The following ATF6 variants were observed in gnomAD, a reference collection of about 807,000 sequenced individuals.
ATF6 encodes the protein cyclic AMP-dependent transcription factor ATF-6 alpha.
Under a neutral mutation model 83.6 loss-of-function variants are expected in ATF6, and 53 were observed. The ratio of observed to expected loss-of-function variants is 0.63; its 90% CI spans 0.51 to 0.80. ATF6 has a LOEUF of 0.80. ATF6 is among the 30% of genes least tolerant of loss of function. The pLI, the probability that ATF6 is intolerant of heterozygous loss-of-function variation, is 0.00. For missense variants in ATF6, 744 were observed against 797.9 expected, an observed-to-expected ratio of 0.93 and a Z score of 0.81; for synonymous variants, 288 against 285.8, an observed-to-expected ratio of 1.01 and a Z score of -0.08.
chr1:161,952,196 C>A (rs959482539), intron 15 of ATF6, among the ~76,000 whole-genome samples: 4 of 152,088 alleles, frequency 2.6e-5, no homozygotes, highest in Non-Finnish European at 4.4e-5. Context: ...CATATAAGTC[C>A]CAAGCCTACA....
chr1:161,822,814 A>G (rs1685799368), intron 9 of ATF6, among the ~76,000 whole-genome samples: 1 of 152,208 alleles, frequency 6.6e-6, no homozygotes, highest in Non-Finnish European at 1.5e-5. Context: ...GTTAACATCT[A>G]AAAGAAGATT....
chr1:161,780,003 G>A (rs1447968764), intron 2 of ATF6, among the ~76,000 whole-genome samples: 1 of 152,152 alleles, frequency 6.6e-6, no homozygotes, highest in Non-Finnish European at 1.5e-5. Flanking sequence ...CTCCCAAAGT[G>A]CTGGGATTAC....
rs113460196 is a variant in ATF6, at chr1:161,941,127, T to C, written c.1805-17319T>C. Among the ~76,000 whole-genome samples, 1,132 of 152,334 alleles carry C rather than the reference T, an allele frequency of 7.4e-3. 21 individuals carry two copies. The highest frequency in any genetic ancestry group is 0.027 in the African/African-American group (1,102 of 41,562). ...GGAACAAACTCCCATTGGGAGAGCATCACCTCTGCCTTACATATCTGAGAA... is the reference window on the plus strand; with the variant it reads ...GGAACAAACTCCCATTGGGAGAGCACCACCTCTGCCTTACATATCTGAGAA... On this transcript the variant is annotated intron_variant, in intron 15 of 15. Coordinates refer to ENST00000367942, the MANE Select transcript of ATF6 (RefSeq NM_007348.4).
chr1:161,803,764 G>C (rs140421674), intron 7 of ATF6, among the ~76,000 whole-genome samples: 1 of 152,132 alleles, frequency 6.6e-6, no homozygotes, highest in Non-Finnish European at 1.5e-5. Context: ...AATAAGAAAA[G>C]AGTATGATTT....
chr1:161,766,532 T>A, intron 1 of ATF6, 90 bp downstream of exon 1: 1 of 1,254,762 alleles, frequency 8.0e-7, no homozygotes, highest in Non-Finnish European at 1.1e-6. Flanking sequence ...TGGTGACAGG[T>A]GTGGACCAAC....
At chr1:161,775,138 A>G (rs1466710174) in intron 1 of ATF6, among the ~76,000 whole-genome samples, 1 of 152,246 alleles carries the variant, frequency 6.6e-6, no homozygotes, top group Non-Finnish European at 1.5e-5. Context: ...TGGCATCAGA[A>G]TAAAATGAGG....
intron 15 of ATF6, among the ~76,000 whole-genome samples, chr1:161,950,275 G>A (rs1249587126): frequency 6.6e-6 from 1 of 152,176 alleles, no homozygotes; most frequent in Non-Finnish European, 1.5e-5. Flanking sequence ...AAGCTAGCCT[G>A]CCCAACACCA....
At chr1:161,825,990 ATCAC>A (rs1685886286) in intron 9 of ATF6, among the ~76,000 whole-genome samples, 3 of 152,182 alleles carry the variant, frequency 2.0e-5, no homozygotes, top group African/African-American at 7.2e-5. Flanking sequence ...CTTACCCCCT[ATCAC>A]TCAGGAAATT....
At chr1:161,832,632 C>G (rs1686093884) in intron 9 of ATF6, among the ~76,000 whole-genome samples, 1 of 152,238 alleles carries the variant, frequency 6.6e-6, no homozygotes, top group African/African-American at 2.4e-5. Context: ...TTGGAGGGTC[C>G]TACACCCACA....
At chr1:161,833,454 T>C (rs1686125382) in intron 9 of ATF6, among the ~76,000 whole-genome samples, 2 of 151,788 alleles carry the variant, frequency 1.3e-5, no homozygotes, top group Admixed American at 1.3e-4. Context: ...ATCAAACTAC[T>C]CCGAGCTAAA....
chr1:161,918,458 A>G (rs1471640811), intron 15 of ATF6, among the ~76,000 whole-genome samples: 3 of 152,310 alleles, frequency 2.0e-5, no homozygotes, highest in African/African-American at 7.2e-5. Flanking sequence ...GGAAACTATA[A>G]TTCTATAGGA....
At chr1:161,796,075 T>G (rs1034564848) in intron 6 of ATF6, among the ~76,000 whole-genome samples, 3 of 147,236 alleles carry the variant, frequency 2.0e-5, no homozygotes, top group Non-Finnish European at 4.4e-5. Flanking sequence ...TGCCTTGGTA[T>G]TCTTCCATCT....
chr1:161,772,455 C>T (rs1456862759), intron 1 of ATF6, among the ~76,000 whole-genome samples: 3 of 152,190 alleles, frequency 2.0e-5, no homozygotes, highest in Middle Eastern at 3.2e-3. Flanking sequence ...AACATCTCTC[C>T]CATCCTTTGA....
chr1:161,846,139 C>T (rs967292498), intron 9 of ATF6, among the ~76,000 whole-genome samples: 3 of 151,998 alleles, frequency 2.0e-5, no homozygotes, highest in East Asian at 1.9e-4. Context: ...TTAGGTGTGT[C>T]GTATTTATTT....
At chr1:161,833,090 A>G (rs1450060175) in intron 9 of ATF6, among the ~76,000 whole-genome samples, 1 of 152,200 alleles carries the variant, frequency 6.6e-6, no homozygotes, top group Non-Finnish European at 1.5e-5. Context: ...CAGCATTTGC[A>G]GTTCACCAAT....
intron 1 of ATF6, among the ~76,000 whole-genome samples, chr1:161,772,773 A>C (rs1684419541): frequency 6.6e-6 from 1 of 151,638 alleles, no homozygotes; most frequent in Non-Finnish European, 1.5e-5. Context: ...AAAAAAAAAA[A>C]AAACAAAACC....
In ATF6 at chr1:161,791,187, T is replaced by C. The variant is rs1684871856; in HGVS notation, c.355-221T>C. On this transcript the variant is annotated intron_variant, in intron 4 of 15. Transcript: ENST00000367942. ...TCAATGATTCATATCTTTAACAGGA[T>C]GGCATAGACTTACTCTGCATTTTGA... Among the ~76,000 whole-genome samples the C allele has an allele frequency of 2.6e-5, 4 of 151,994 alleles. No individual in the cohort carries two copies. The South Asian group carries it at 8.3e-4, about 32-fold the overall frequency.
chr1:161,820,862 C>A (rs888035149), intron 8 of ATF6, among the ~76,000 whole-genome samples: 22 of 151,578 alleles, frequency 1.5e-4, no homozygotes, highest in African/African-American at 5.3e-4. Flanking sequence ...TCTCTCCCTG[C>A]TGGAAAAGGG....
At chr1:161,880,354 A>G (rs929293622) in intron 14 of ATF6, among the ~76,000 whole-genome samples, 1 of 151,672 alleles carries the variant, frequency 6.6e-6, no homozygotes, top group African/African-American at 2.4e-5. Context: ...GTGTGTGTAT[A>G]TATGTATATA....
Sources: allele counts gnomAD v4.1 joint callset (sites outside exome capture counted in the v4.1 genomes callset), GRCh38; gene constraint gnomAD v4.1.1; transcripts MANE v1.5; gene names NCBI Gene and HGNC (gene_info 2026-07-23, HGNC 2026-07-21).